LRIF1: variants seen among roughly 807,000 people sequenced by gnomAD.
LRIF1 encodes ligand-dependent nuclear receptor-interacting factor 1.
Under a neutral mutation model 52.7 loss-of-function variants are expected in LRIF1, and 32 were observed. The observed-to-expected ratio is 0.61, with a 90% CI of 0.46 to 0.82. The LOEUF (loss-of-function observed/expected upper bound fraction) is 0.82. Ranked by LOEUF, LRIF1 falls within the 40% of genes least tolerant of loss-of-function variation. LRIF1 has a pLI of 0.00. For missense variants in LRIF1, 887 were observed against 892.0 expected (o/e 0.99, Z 0.07); for synonymous variants, 323 against 317.4 (o/e 1.02, Z -0.19).
At chr1:110,923,775 T>C in the LRIF1 span, among the ~76,000 whole-genome samples, 1 of 152,230 alleles carries the variant, frequency 6.6e-6, no homozygotes, top group African/African-American at 2.4e-5. Context: ...TAAATTCATA[T>C]ATTAGAAGAG....
chr1:110,952,921 A>G (rs1267905296), intron 1 of LRIF1, 106 bp from the exon 2 acceptor site: 9 of 662,982 alleles, frequency 1.4e-5, no homozygotes, highest in African/African-American at 1.9e-5. Context: ...TAAAGTATAT[A>G]ATTTTCCATT....
intron 1 of LRIF1, among the ~76,000 whole-genome samples, chr1:110,956,718 T>C (rs1276534263): frequency 1.3e-5 from 2 of 152,134 alleles, no homozygotes; most frequent in Non-Finnish European, 2.9e-5. Flanking sequence ...GACAAAGAGA[T>C]TATCCATACG....
the LRIF1 span, chr1:110,894,380 G>A: frequency 6.2e-7 from 1 of 1,613,848 alleles, no homozygotes; most frequent in Non-Finnish European, 8.5e-7. Context: ...TGGCCATCCT[G>A]CTCTTTGTAT....
At chr1:110,952,927 C>A (rs1034244707) in intron 1 of LRIF1, 112 bp from the exon 2 acceptor site, 12 of 619,518 alleles carry the variant, frequency 1.9e-5, no homozygotes, top group Non-Finnish European at 2.2e-5. Flanking sequence ...ATATAATTTT[C>A]CATTTTGAGT....
At chr1:110,886,869 ATTT>A in the LRIF1 span, among the ~76,000 whole-genome samples, 9 of 82,786 alleles carry the variant, frequency 1.1e-4, no homozygotes, top group African/African-American at 4.3e-4. Flanking sequence ...ATATATATAT[ATTT>A]TTTTTTTCTG....
At chr1:110,880,742 A>G in the LRIF1 span, among the ~76,000 whole-genome samples, 1 of 152,236 alleles carries the variant, frequency 6.6e-6, no homozygotes. Flanking sequence ...AAAGATGAAT[A>G]GCATAGATCC....
chr1:110,883,979 T>C, the LRIF1 span, among the ~76,000 whole-genome samples: 1 of 152,000 alleles, frequency 6.6e-6, no homozygotes, highest in African/African-American at 2.4e-5. Context: ...GAGCCAACTT[T>C]TGTGGGGTTT....
rs1658463015 is a variant in LRIF1 at position 110,951,309 on chromosome 1, AAC to A, written c.1573_1574del (p.Val525PhefsTer10). On this transcript the variant is annotated frameshift_variant, in exon 2 of 4. Transcript: ENST00000369763. LOFTEE classifies it high-confidence loss of function. ...TTACCTTTGGTTCTTGGTCTCTGAA[AAC>A]ACACTGTTGTGAAGTAACAGTTGTT... The part of the protein sequence containing the change: ...DATTVTSQQC[V>X]FRDQEPKIHN... The A allele has an allele frequency of 3.1e-6, 5 of 1,612,706 alleles. No homozygotes were observed. The highest frequency in any genetic ancestry group is 4.2e-6 in the Non-Finnish European group (5 of 1,179,486).
the LRIF1 span, among the ~76,000 whole-genome samples, chr1:110,919,919 T>C: frequency 2.0e-5 from 3 of 152,140 alleles, no homozygotes; most frequent in South Asian, 6.2e-4. Context: ...TCAAAGAAGA[T>C]ATACAGATGA....
chr1:110,907,515 C>T, the LRIF1 span, among the ~76,000 whole-genome samples: 5 of 151,734 alleles, frequency 3.3e-5, no homozygotes, highest in African/African-American at 1.2e-4. Flanking sequence ...TTTGGGAGGC[C>T]GAGGTCAGGA....
chr1:110,951,792 G>A lies in LRIF1; in HGVS notation c.1092C>T (p.Val364=), dbSNP rs1249626432. 1 of 1,612,302 alleles carries A rather than the reference G, an allele frequency of 6.2e-7. No homozygotes were observed. Among genetic ancestry groups the A allele is most frequent in the African/African-American group, 1.3e-5 (1 of 74,912 alleles). Reference sequence around the variant, plus strand: ...CTGTCCCCTTTTTAGCCAACAGATAGACTTTCCCATTAAACATAACCAAAG... The same window carrying A: ...CTGTCCCCTTTTTAGCCAACAGATAAACTTTCCCATTAAACATAACCAAAG... The part of the protein sequence containing the change: ...DNALVMFNGK[V]YLLAKKGTDV... The change falls in exon 2 of 4, where the codon GTC becomes GTT. Residue 364 remains valine (V), a synonymous_variant. Transcript: ENST00000369763.
chr1:110,930,039 G>A, the LRIF1 span, among the ~76,000 whole-genome samples: 19 of 152,094 alleles, frequency 1.2e-4, no homozygotes, highest in Admixed American at 1.0e-3. Context: ...GGAAATCAAC[G>A]TTTGGTGCGA....
rs993061798 is a variant in LRIF1, at chr1:110,963,904, G to T, written c.-216C>A. Reference sequence around the variant, plus strand: ...TCGCGCACCGCGCAGAAACCGGAAGGCTCCTGGCGGTGGACTGCGCCCTCA... The same window carrying T: ...TCGCGCACCGCGCAGAAACCGGAAGTCTCCTGGCGGTGGACTGCGCCCTCA... On this transcript the variant is annotated 5_prime_UTR_variant, in exon 1 of 4. Transcript: ENST00000369763. 4 of 427,796 alleles carry T rather than the reference G, an allele frequency of 9.4e-6. No individual in the cohort carries two copies. The highest frequency in any genetic ancestry group is 5.9e-5 in the African/African-American group (3 of 50,614). 26.5% of individuals were successfully genotyped at this position (427,796 alleles called of 1,614,324 possible). A position where few individuals can be genotyped will look rare whatever the true frequency, so the allele number is the denominator to read the frequency against.
chr1:110,922,530 G>A, the LRIF1 span, among the ~76,000 whole-genome samples: 1 of 152,004 alleles, frequency 6.6e-6, no homozygotes, highest in Non-Finnish European at 1.5e-5. Flanking sequence ...ATAAGTAGAT[G>A]TAAAAAAAAA....
At chr1:110,950,845 A>G (rs1389777176) in intron 2 of LRIF1, among the ~76,000 whole-genome samples, 1 of 152,078 alleles carries the variant, frequency 6.6e-6, no homozygotes, top group African/African-American at 2.4e-5. Context: ...CCACCACAAA[A>G]AAACCCCACA....
the LRIF1 span, among the ~76,000 whole-genome samples, chr1:110,882,781 AAC>A: frequency 1.3e-5 from 2 of 152,010 alleles, no homozygotes. Context: ...ATTCTTTCAC[AAC>A]TTTTGTCAGA....
At chr1:110,959,250 AC>A (rs1208749801) in intron 1 of LRIF1, among the ~76,000 whole-genome samples, 2 of 152,240 alleles carry the variant, frequency 1.3e-5, no homozygotes, top group Non-Finnish European at 2.9e-5. Flanking sequence ...ATTACAGGCT[AC>A]TAATTCTGGT....
chr1:110,946,664 T>C (rs1446452389), downstream of LRIF1, among the ~76,000 whole-genome samples: 1 of 144,616 alleles, frequency 6.9e-6, no homozygotes, highest in African/African-American at 2.6e-5. Context: ...TTTTTTTTTT[T>C]TTTTTTTTTT....
Position 110,952,283 on chromosome 1 carries a change from A to G in LRIF1, c.601T>C (p.Leu201=). The change falls in exon 2 of 4, where the codon TTG becomes CTG. Residue 201 remains leucine, a synonymous_variant. Transcript: ENST00000369763. ...AEVKSVPASS[L]PPSVQQKILA... Reference sequence around the variant, plus strand: ...ATCTTTTGCTGCACTGAAGGAGGCAATGATGACGCTGGTACAGATTTCACT... The same window carrying G: ...ATCTTTTGCTGCACTGAAGGAGGCAGTGATGACGCTGGTACAGATTTCACT... 1.2e-6 allele frequency: 2 copies of G among 1,614,178 alleles called. No individual in the cohort carries two copies. Among genetic ancestry groups the G allele is most frequent in the Non-Finnish European group, 1.7e-6 (2 of 1,180,022 alleles).
Sources: allele counts gnomAD v4.1 joint callset (sites outside exome capture counted in the v4.1 genomes callset), GRCh38; gene constraint gnomAD v4.1.1; transcripts MANE v1.5; gene names NCBI Gene and HGNC (gene_info 2026-07-23, HGNC 2026-07-21).